KMT2B: variants seen among roughly 807,000 people sequenced by gnomAD.
The protein encoded by KMT2B is lysine methyltransferase 2B.
KMT2B carries 22 observed loss-of-function variants against 255.3 expected under a neutral mutation model. The ratio of observed to expected loss-of-function variants is 0.09; its 90% CI spans 0.06 to 0.12. The LOEUF (loss-of-function observed/expected upper bound fraction) is 0.12, where lower values mean the gene tolerates loss of function less well. Among genes scored for constraint, KMT2B ranks in the 10% least tolerant of loss-of-function variants. The probability of loss-of-function intolerance (pLI) is 1.00; values close to 1 mark genes in which losing one functional copy is unlikely to be tolerated. For synonymous variants in KMT2B, 1,730 were observed against 1,498.1 expected (o/e 1.15, Z -3.57); for missense variants, 3,149 against 3,737.0 (o/e 0.84, Z 4.10).
chr19:35,737,140 C>A lies in KMT2B; in HGVS notation c.7427C>A (p.Ala2476Asp). Residue 2476 changes from alanine to aspartate, a missense_variant, in exon 33 of 37, where the codon GCC (alanine) becomes GAC (aspartate). Transcript: ENST00000420124. The surrounding 1 kb of genome is among the most constrained non-coding windows in gnomAD (Gnocchi z 5.3). ...CACCATGATGCTGTCATCTTCCTGG[C>A]CGAGCAGCTCCCCGGAGCCCAGCGT... The part of the protein sequence containing the change: ...GIHHDAVIFL[A>D]EQLPGAQRCQ... 6.2e-7 allele frequency: 1 copy of A among 1,610,788 alleles called. No homozygotes were observed. Among genetic ancestry groups the A allele is most frequent in the Non-Finnish European group, 8.5e-7 (1 of 1,178,234 alleles).
intron 3 of KMT2B, among the ~76,000 whole-genome samples, chr19:35,722,032 G>A (rs557867511): frequency 1.3e-4 from 19 of 144,020 alleles, no homozygotes; most frequent in Middle Eastern, 4.3e-3. Context: ...TTTTGAGACC[G>A]AGTCTCACTT....
chr19:35,726,424 G>A, intron 14 of KMT2B, 71 bp downstream of exon 14: 1 of 996,948 alleles, frequency 1.0e-6, no homozygotes, highest in Non-Finnish European at 1.6e-6. Flanking sequence ...ACAGGCTTTA[G>A]CACAGACCCT....
chr19:35,732,065 C>A lies in KMT2B; in HGVS notation c.5595C>A (p.Ile1865=). ...CCCGTTCTTTTTCGGGGGCTCGAATCAAAGTGCCCAACTACTCGCCATCCC... is the reference window on the plus strand; with the variant it reads ...CCCGTTCTTTTTCGGGGGCTCGAATAAAAGTGCCCAACTACTCGCCATCCC... ...PAPRSFSGAR[I]KVPNYSPSRR... Residue 1865 remains isoleucine, a synonymous_variant, in exon 27 of 37, where the codon ATC becomes ATA. Coordinates refer to ENST00000420124, the MANE Select transcript of KMT2B (RefSeq NM_014727.3). 6.2e-7 allele frequency: 1 copy of A among 1,610,974 alleles called. No homozygotes were observed. Among genetic ancestry groups the A allele is most frequent in the East Asian group, 2.2e-5 (1 of 44,698 alleles).
rs1046594708 is a variant in KMT2B at position 35,724,650 on chromosome 19, A to G, written c.3348A>G (p.Pro1116=). 3.1e-6 allele frequency: 5 copies of G among 1,599,040 alleles called. No individual in the cohort carries two copies. Among genetic ancestry groups the G allele is most frequent in the African/African-American group, 2.7e-5 (2 of 74,638 alleles). The change falls in exon 9 of 37, where the codon CCA becomes CCG. Residue 1116 remains proline, a synonymous_variant. Transcript: ENST00000420124. ...RTPRENELPL[P]EPEEQSRPRK... is the part of the protein sequence containing the mutation. ...TGTCCTGCCTAGAGCTGCCACTGCC[A>G]GAACCTGAGGAGCAGAGCCGGCCCC...
At chr19:35,729,901 T>C (rs1599689188) in intron 22 of KMT2B, 66 bp from the exon 23 acceptor site, 2 of 1,497,626 alleles carry the variant, frequency 1.3e-6, no homozygotes, top group Non-Finnish European at 1.8e-6. Flanking sequence ...GCAGACTCAG[T>C]GACAGTGGTG....
intron 30 of KMT2B, among the ~76,000 whole-genome samples, chr19:35,734,146 C>T (rs1279037182): frequency 6.6e-6 from 1 of 152,098 alleles, no homozygotes; most frequent in African/African-American, 2.4e-5. Flanking sequence ...CCTAGCCTGC[C>T]AGGAGCTGAG....
At position 35,733,712 on chromosome 19, in the gene KMT2B, G is replaced by T; in HGVS notation, c.7049+26G>T. Reference sequence around the variant, plus strand: ...GTGAGTGGCCAGGCCCCTCTCCCTGGAGGGTCTGGGACCTCTGTCCTTCCC... The same window carrying T: ...GTGAGTGGCCAGGCCCCTCTCCCTGTAGGGTCTGGGACCTCTGTCCTTCCC... On this transcript the variant is annotated intron_variant, in intron 29 of 36. Transcript: ENST00000420124. The surrounding 1 kb of genome is among the most constrained non-coding windows in gnomAD (Gnocchi z 4.3). 6.2e-7 allele frequency: 1 copy of T among 1,606,916 alleles called. No homozygotes were observed. The highest frequency in any genetic ancestry group is 8.5e-7 in the Non-Finnish European group (1 of 1,176,424).
chr19:35,718,329 G>T lies in KMT2B; in HGVS notation c.311G>T (p.Ser104Ile). 8.0e-7 allele frequency: 1 copy of T among 1,253,004 alleles called. No homozygotes were observed. The highest frequency in any genetic ancestry group is 1.5e-5 in the African/African-American group (1 of 64,856). The allele number at this position is 1,253,004 out of a possible 1,614,324, so 77.6% of individuals were successfully genotyped here. The change falls in exon 1 of 37, where the codon AGT becomes ATT. Residue 104 changes from serine (S) to isoleucine (I), a missense_variant. Physicochemically the swap from Ser to Ile is moderately radical, Grantham distance 142. Transcript: ENST00000420124. The surrounding 1 kb of genome is among the most constrained non-coding windows in gnomAD (Gnocchi z 5.0). ...GGTCGGGGCCGGGGCTGGGGCCCGA[G>T]TCGAGGCTGCGTGCCGGAGGAGGAG... ...GRGRGRGWGPSRGCVPEEESS... is the reference protein window; with the variant it reads ...GRGRGRGWGPIRGCVPEEESS...
chr19:35,723,683 C>A lies in KMT2B; in HGVS notation c.3059-49C>A, dbSNP rs1969308867. ...TCTTTCTGGCTTCTCTCCCAGTGTCCCATGTCCCTGGCTGAGCTCAAATCC... is the reference window on the plus strand; with the variant it reads ...TCTTTCTGGCTTCTCTCCCAGTGTCACATGTCCCTGGCTGAGCTCAAATCC... On this transcript the variant is annotated intron_variant, in intron 7 of 36. Coordinates refer to ENST00000420124, the MANE Select transcript of KMT2B (RefSeq NM_014727.3). The surrounding 1 kb of genome is among the most constrained non-coding windows in gnomAD (Gnocchi z 7.5). 1.4e-6 allele frequency: 2 copies of A among 1,472,468 alleles called. No homozygotes were observed. Among genetic ancestry groups the A allele is most frequent in the Admixed American group, 2.3e-5 (1 of 44,420 alleles). The allele number at this position is 1,472,468 out of a possible 1,614,324, so 91.2% of individuals were successfully genotyped here.
In KMT2B at chr19:35,723,398, C is replaced by A. The variant is rs1969297176; in HGVS notation, c.3003-49C>A. The A allele has an allele frequency of 6.5e-7, 1 of 1,539,070 alleles. No individual in the cohort carries two copies. The highest frequency in any genetic ancestry group is 8.8e-7 in the Non-Finnish European group (1 of 1,137,804). On this transcript the variant is annotated intron_variant, in intron 6 of 36. Transcript: ENST00000420124. The surrounding 1 kb of genome is among the most constrained non-coding windows in gnomAD (Gnocchi z 7.5). ...TCTTGTGGAGAGCTTCCTCTCTTCC[C>A]CCAGACCACCAGTCCCCTACCCTGG...
chr19:35,733,168 G>C lies in KMT2B; in HGVS notation c.6619G>C (p.Glu2207Gln), dbSNP rs773444496. The C allele has an allele frequency of 6.4e-7, 1 of 1,570,926 alleles. No homozygotes were observed. Residue 2207 changes from glutamate (E) to glutamine (Q), a missense_variant, in exon 28 of 37, where the codon GAG becomes CAG. Physicochemically the swap from Glu to Gln is conservative, Grantham distance 29. Transcript: ENST00000420124. This position sits in a 1 kb window ranked among gnomAD's most constrained non-coding sequence, Gnocchi z 4.3. ...LGQVFVKMAG[E>Q]GEPVPPPVKQ... ...GCAAGTATTTGTGAAGATGGCTGGG[G>C]AGGGTGAACCTGTCCCACCCCCAGT...
At position 35,725,540 on chromosome 19, in the gene KMT2B, G is replaced by A; in HGVS notation, c.3704G>A (p.Arg1235Gln). ...FHPFCLEEAE[R>Q]PLPQHHDTWC... is the part of the protein sequence containing the mutation. ...CCATTCTGCCTGGAGGAGGCCGAGC[G>A]GCCCCTGCCCCAGCATCACGACACC... Residue 1235 changes from arginine to glutamine, a missense_variant, in exon 12 of 37, where the codon CGG (arginine) becomes CAG (glutamine). By Grantham distance (43) the Arg-to-Gln change is conservative (BLOSUM62 1). This residue lies in a region of KMT2B where 42 missense variants were observed against 121.0 expected (regional missense o/e 0.35). Transcript: ENST00000420124. This position sits in a 1 kb window ranked among gnomAD's most constrained non-coding sequence, Gnocchi z 4.1. 1 of 1,611,124 alleles carries A rather than the reference G, an allele frequency of 6.2e-7. No individual in the cohort carries two copies. Among genetic ancestry groups the A allele is most frequent in the Non-Finnish European group, 8.5e-7 (1 of 1,179,880 alleles).
chr19:35,720,045 G>T lies in KMT2B; in HGVS notation c.698G>T (p.Arg233Met). The change falls in exon 3 of 37, where the codon AGG (arginine) becomes ATG (methionine). Residue 233 changes from arginine (R) to methionine (M), a missense_variant. By Grantham distance (91) the Arg-to-Met change is moderately conservative. Around this residue, in one of 18 missense-constraint regions of KMT2B, gnomAD observed 1,188 missense variants for 1,106.4 expected, o/e 1.07. Transcript: ENST00000420124. ...PPGRPAGPCR[R>M]KQQAVVVAEA... ...GGACGGCCAGCAGGCCCCTGCAGGA[G>T]GAAGCAGCAAGCAGTAGTGGTGGCA... The T allele has an allele frequency of 6.2e-7, 1 of 1,611,670 alleles. No homozygotes were observed.
Position 35,727,454 on chromosome 19 carries a change from C to G in KMT2B, c.4134C>G (p.Ile1378Met). ...CEGLSDEDYE[I>M]LSGLPDSVLY... ...CTATCCTAGATGAAGACTACGAGATCCTTTCAGGACTGCCAGACTCGGTGC... is the reference window on the plus strand; with the variant it reads ...CTATCCTAGATGAAGACTACGAGATGCTTTCAGGACTGCCAGACTCGGTGC... The change falls in exon 16 of 37, where the codon ATC becomes ATG. Residue 1378 changes from isoleucine (I) to methionine (M), a missense_variant. Ile to Met is a conservative substitution (Grantham distance 10, BLOSUM62 1). This residue lies in a region of KMT2B where 377 missense variants were observed against 471.0 expected (regional missense o/e 0.80). Transcript: ENST00000420124. This position sits in a 1 kb window ranked among gnomAD's most constrained non-coding sequence, Gnocchi z 4.2. 1 of 1,613,258 alleles carries G rather than the reference C, an allele frequency of 6.2e-7. No homozygotes were observed. The highest frequency in any genetic ancestry group is 8.5e-7 in the Non-Finnish European group (1 of 1,179,878).
intron 22 of KMT2B, among the ~76,000 whole-genome samples, 165 bp from the exon 23 acceptor site, chr19:35,729,802 A>T (rs2146461122): frequency 6.6e-6 from 1 of 152,304 alleles, no homozygotes; most frequent in Middle Eastern, 3.4e-3. Flanking sequence ...AACCAGAGAG[A>T]GTTTGGTGTG....
rs1969756161 is a variant in KMT2B at position 35,732,699 on chromosome 19, C to T, written c.6150C>T (p.Ser2050=). The change falls in exon 28 of 37, where the codon AGC becomes AGT. Residue 2050 remains serine (S), a synonymous_variant. Transcript: ENST00000420124. ...TVVSAPGLAP[S]ATPGAPRIEQ... The stretch of plus-strand genomic sequence containing the variant: ...TGTCCGCCCCTGGTCTGGCCCCCAG[C>T]GCTACCCCTGGAGCCCCCCGCATTG... 1.1e-5 allele frequency: 17 copies of T among 1,608,678 alleles called. No homozygotes were observed. Among genetic ancestry groups the T allele is most frequent in the African/African-American group, 5.3e-5 (4 of 74,832 alleles).
chr19:35,724,494 G>T (rs1463595038), intron 8 of KMT2B, 143 bp from the exon 9 acceptor site: 1 of 717,424 alleles, frequency 1.4e-6, no homozygotes, highest in Non-Finnish European at 2.4e-6. Flanking sequence ...GCGAGACCCT[G>T]CCTCAAAAAA....
rs372421332 is a variant in KMT2B at position 35,728,808 on chromosome 19, C to T, written c.4606C>T (p.Leu1536=). The T allele has an allele frequency of 3.7e-6, 6 of 1,613,822 alleles. No individual in the cohort carries two copies. In the African/African-American group the frequency reaches 5.3e-5, roughly 14 times the overall value. ...TCCCAATGCGGTGTTGCCCCCATCC[C>T]TGGATCATGTCTATGCGCAGTGGAG... ...VLPNAVLPPS[L]DHVYAQWRQQ... Residue 1536 remains leucine, a synonymous_variant, in exon 20 of 37, where the codon CTG becomes TTG. Transcript: ENST00000420124.
At chr19:35,729,900 G>A (rs1323922164) in intron 22 of KMT2B, 67 bp from the exon 23 acceptor site, 2 of 1,493,332 alleles carry the variant, frequency 1.3e-6, no homozygotes, top group Non-Finnish European at 1.8e-6. Context: ...TGCAGACTCA[G>A]TGACAGTGGT....
Sources: allele counts gnomAD v4.1 joint callset (sites outside exome capture counted in the v4.1 genomes callset), GRCh38; gene constraint gnomAD v4.1.1; regional missense constraint gnomAD v4.1.1; non-coding constraint Gnocchi (gnomAD v3.1); transcripts MANE v1.5; gene names NCBI Gene and HGNC (gene_info 2026-07-23, HGNC 2026-07-21).